INPP5F: variants seen among roughly 807,000 people sequenced by gnomAD.
INPP5F encodes the protein inositol polyphosphate-5-phosphatase F.
INPP5F carries 97 observed loss-of-function variants against 137.2 expected under a neutral mutation model. The observed-to-expected ratio is 0.71, with a 90% confidence interval of 0.60 to 0.84. INPP5F has a LOEUF of 0.84. Among genes scored for constraint, INPP5F ranks in the 40% least tolerant of loss-of-function variants. The probability of loss-of-function intolerance (pLI) is 0.00; values close to 1 mark genes in which losing one functional copy is unlikely to be tolerated. For missense variants in INPP5F, 1,271 were observed against 1,371.9 expected, an observed-to-expected ratio of 0.93 and a Z score of 1.16; for synonymous variants, 504 against 476.9, an observed-to-expected ratio of 1.06 and a Z score of -0.74.
chr10:119,795,526 T>G (rs969206615), intron 6 of INPP5F, among the ~76,000 whole-genome samples: 2 of 146,022 alleles, frequency 1.4e-5, no homozygotes, highest in Non-Finnish European at 3.0e-5. Context: ...TGATGGCGGC[T>G]GGGAAGAGGC....
At position 119,806,488 on chromosome 10, in the gene INPP5F, G is replaced by C. The variant is rs747707107; in HGVS notation, c.1440+8G>C. The C allele has an allele frequency of 6.3e-7, 1 of 1,584,298 alleles. No homozygotes were observed. Among genetic ancestry groups the C allele is most frequent in the Non-Finnish European group, 8.6e-7 (1 of 1,169,206 alleles). ...GTGGTCATGGAACAGCAGGTAATTT[G>C]GAGTCTGTTGGATTGCAAATATTCA... On this transcript the variant is annotated splice_region_variant and intron_variant, in intron 12 of 19. Coordinates refer to ENST00000650623, the MANE Select transcript of INPP5F (RefSeq NM_014937.4).
At chr10:119,780,546 T>C (rs937270112) in intron 2 of INPP5F, among the ~76,000 whole-genome samples, 4 of 152,168 alleles carry the variant, frequency 2.6e-5, no homozygotes, top group Non-Finnish European at 4.4e-5. Context: ...CACTGCACTT[T>C]AGCCTGGGTG....
rs28655395 is a variant in INPP5F, at chr10:119,820,969, A to G, written c.1958+52A>G. On this transcript the variant is annotated intron_variant, in intron 16 of 19. Transcript: ENST00000650623. The stretch of plus-strand genomic sequence containing the variant: ...TTGATTTTGTTTTTTAAACTTGAGT[A>G]AATTTTCTTTTTAGAATTCGTAACA... 2,198 of 1,171,080 alleles carry G rather than the reference A, an allele frequency of 1.9e-3. 36 individuals carry two copies. The African/African-American group carries it at 0.031, about 16-fold the overall frequency. The allele number at this position is 1,171,080 out of a possible 1,614,324, so 72.5% of individuals were successfully genotyped here. A position where few individuals can be genotyped will look rare whatever the true frequency, so the allele number is the denominator to read the frequency against.
intron 12 of INPP5F, among the ~76,000 whole-genome samples, chr10:119,807,638 T>A (rs989605370): frequency 6.6e-6 from 1 of 152,242 alleles, no homozygotes; most frequent in Non-Finnish European, 1.5e-5. Flanking sequence ...TTTTTGATAT[T>A]CAGTTTCACT....
rs375184384 is a variant in INPP5F at position 119,802,415 on chromosome 10, G to C, written c.1117-1758G>C. 1.7e-4 allele frequency among the ~76,000 whole-genome samples: 26 copies of C among 152,270 alleles called. No individual in the cohort carries two copies. The South Asian group carries it at 5.0e-3, about 29-fold the overall frequency. ...CCTCCAGACTTGTTCTGAGGTATGAGTCAGTTGACTCAAATTTGTCATCCG... is the reference window on the plus strand; with the variant it reads ...CCTCCAGACTTGTTCTGAGGTATGACTCAGTTGACTCAAATTTGTCATCCG... On this transcript the variant is annotated intron_variant, in intron 9 of 19. Coordinates refer to ENST00000650623, the MANE Select transcript of INPP5F (RefSeq NM_014937.4).
Position 119,745,980 on chromosome 10 carries a change from G to C in INPP5F, c.98-5096G>C, listed in dbSNP as rs535187604. Among the ~76,000 whole-genome samples the C allele has an allele frequency of 2.6e-5, 4 of 152,236 alleles. No individual in the cohort carries two copies. The South Asian group carries it at 8.3e-4, about 32-fold the overall frequency. On this transcript the variant is annotated intron_variant, in intron 1 of 19. Transcript: ENST00000650623. ...GCCTCCCAAAGTGCTGGGATTACAT[G>C]TGTGAGCCACCGTGCCCGACCAGGC... is the stretch of plus-strand genomic sequence containing the variant.
intron 6 of INPP5F, among the ~76,000 whole-genome samples, chr10:119,795,222 A>C (rs1214159893): frequency 4.4e-5 from 5 of 114,624 alleles, no homozygotes; most frequent in Admixed American, 1.7e-4. Context: ...GGCGCCCCTC[A>C]CCTCCTGGAC....
intron 2 of INPP5F, among the ~76,000 whole-genome samples, chr10:119,771,874 ATATATATATTTTTTTTTTTTTTTTT>A (rs1288218603): frequency 2.5e-4 from 5 of 20,326 alleles, no homozygotes; most frequent in Non-Finnish European, 4.3e-4. Context: ...ATATATATAT[ATATATATATTTTTTTTTTTTTTTTT>A]TTTTTTTTTT....
intron 19 of INPP5F, 99 bp downstream of exon 19, chr10:119,824,001 G>T (rs944488815): frequency 7.3e-5 from 59 of 812,526 alleles, no homozygotes; most frequent in Non-Finnish European, 6.2e-5. Context: ...ATCACATTAT[G>T]GTAAGGTGTT....
At chr10:119,791,684 G>T in intron 4 of INPP5F, 39 bp downstream of exon 4, 1 of 1,538,468 alleles carries the variant, frequency 6.5e-7, no homozygotes, top group South Asian at 1.2e-5. Flanking sequence ...ATTCACCTTT[G>T]ATTAGTTTTA....
intron 2 of INPP5F, among the ~76,000 whole-genome samples, chr10:119,764,467 G>C (rs1448456877): frequency 6.6e-6 from 1 of 151,906 alleles, no homozygotes; most frequent in South Asian, 2.1e-4. Context: ...AGACCAACCC[G>C]TTCTCATCCT....
At chr10:119,796,282 A>C (rs551692631) in intron 6 of INPP5F, among the ~76,000 whole-genome samples, 29 of 152,342 alleles carry the variant, frequency 1.9e-4, no homozygotes, top group Admixed American at 4.6e-4. Flanking sequence ...GTATTTTATT[A>C]AAGCCTTAAT....
In INPP5F at chr10:119,826,702, A is replaced by G. The variant is rs754272559; in HGVS notation, c.2321A>G (p.Lys774Arg). ...AACCAAGGTTCTTTGGCCCAGGGAA[A>G]GAATTTTTTAATGAGCAAATTTTCA... ...SQNQGSLAQG[K>R]NFLMSKFSSL... Residue 774 changes from lysine (K) to arginine (R), a missense_variant, in exon 20 of 20, where the codon AAG becomes AGG. Lys to Arg is a conservative substitution (Grantham distance 26, BLOSUM62 2). Transcript: ENST00000650623. 3.1e-6 allele frequency: 5 copies of G among 1,612,698 alleles called. No individual in the cohort carries two copies. The South Asian group carries it at 5.5e-5, about 18-fold the overall frequency.
chr10:119,750,445 C>A (rs1186440611), intron 1 of INPP5F, among the ~76,000 whole-genome samples: 1 of 152,160 alleles, frequency 6.6e-6, no homozygotes, highest in Non-Finnish European at 1.5e-5. Flanking sequence ...AGAATGGAAC[C>A]AGCTTGTGTC....
At chr10:119,781,530 T>C (rs947683888) in intron 2 of INPP5F, 105 bp from the exon 3 acceptor site, 2 of 963,386 alleles carry the variant, frequency 2.1e-6, no homozygotes, top group Non-Finnish European at 2.9e-6. Context: ...TTATTTTGGA[T>C]GCACACTTTT....
chr10:119,747,714 A>G (rs556795858), intron 1 of INPP5F, among the ~76,000 whole-genome samples: 106 of 152,320 alleles, frequency 7.0e-4, no homozygotes, highest in African/African-American at 2.4e-3. Flanking sequence ...AAATATTTGC[A>G]TAATATTCAT....
At chr10:119,775,285 T>C (rs1233805418) in intron 2 of INPP5F, among the ~76,000 whole-genome samples, 1 of 152,192 alleles carries the variant, frequency 6.6e-6, no homozygotes, top group Non-Finnish European at 1.5e-5. Flanking sequence ...AGGCAGCATC[T>C]CTCATTCTGT....
At chr10:119,751,281 C>A in intron 2 of INPP5F, 125 bp downstream of exon 2, 1 of 690,970 alleles carries the variant, frequency 1.4e-6, no homozygotes, top group Non-Finnish European at 2.6e-6. Context: ...TGGGTCTGCT[C>A]AAAGTGGGTG....
chr10:119,769,092 A>C (rs1438474651), intron 2 of INPP5F, among the ~76,000 whole-genome samples: 2 of 152,174 alleles, frequency 1.3e-5, no homozygotes, highest in Non-Finnish European at 2.9e-5. Context: ...GTAATGTTTA[A>C]ACTTTCAAAA....
Sources: gnomAD v4.1 joint callset for allele counts (sites outside exome capture counted in the v4.1 genomes callset) on GRCh38, gnomAD v4.1.1 for gene constraint, MANE v1.5 for transcripts, NCBI Gene and HGNC (gene_info 2026-07-23, HGNC 2026-07-21) for gene names.